The following COL23A1 variants were observed in gnomAD, a reference collection of about 807,000 sequenced individuals.
COL23A1 encodes collagen type XXIII alpha 1 chain.
Under a neutral mutation model 99.3 loss-of-function variants are expected in COL23A1, and 97 were observed. The ratio of observed to expected loss-of-function variants is 0.98; its 90% confidence interval spans 0.83 to 1.16. COL23A1 has a LOEUF of 1.16. Among genes scored for constraint, COL23A1 ranks in the 50% most tolerant of loss-of-function variants. The probability of loss-of-function intolerance (pLI) is 0.00; values close to 1 mark genes in which losing one functional copy is unlikely to be tolerated. For missense variants in COL23A1, 762 were observed against 757.4 expected, an observed-to-expected ratio of 1.01 and a Z score of -0.07; for synonymous variants, 320 against 308.2, an observed-to-expected ratio of 1.04 and a Z score of -0.40.
intron 2 of COL23A1, among the ~76,000 whole-genome samples, chr5:178,479,799 G>C (rs1310154414): frequency 1.3e-5 from 2 of 152,204 alleles, no homozygotes; most frequent in Admixed American, 1.3e-4. Flanking sequence ...TTAAAATATA[G>C]TCATGCCTCT....
At chr5:178,319,799 T>C (rs1759188766) in intron 2 of COL23A1, among the ~76,000 whole-genome samples, 1 of 152,240 alleles carries the variant, frequency 6.6e-6, no homozygotes, top group Non-Finnish European at 1.5e-5. Flanking sequence ...GGGGTTTCCC[T>C]GGGCTCTCAG....
chr5:178,245,805 CA>C (rs1193328373), intron 25 of COL23A1, 136 bp downstream of exon 25: 1 of 984,026 alleles, frequency 1.0e-6, no homozygotes, highest in Non-Finnish European at 1.6e-6. Flanking sequence ...AATGGGGACA[CA>C]GGGGGAACCA....
Position 178,347,710 on chromosome 5 carries a change from G to A in COL23A1, c.362-40791C>T, listed in dbSNP as rs1318121111. ...ATCCTGGCCAACATGGTGAAACCCT[G>A]TCTCTACTAAAAGTACAAAAATTAG... On this transcript the variant is annotated intron_variant, in intron 2 of 28. Coordinates refer to ENST00000390654, the MANE Select transcript of COL23A1 (RefSeq NM_173465.4). Among the ~76,000 whole-genome samples, 3 of 151,920 alleles carry A rather than the reference G, an allele frequency of 2.0e-5. No homozygotes were observed. In the East Asian group the frequency reaches 5.8e-4, roughly 29 times the overall value.
chr5:178,570,191 C>T (rs567186849), intron 1 of COL23A1, among the ~76,000 whole-genome samples: 3 of 151,394 alleles, frequency 2.0e-5, no homozygotes, highest in East Asian at 1.9e-4. Context: ...TGGCTCACTA[C>T]AGCCTCGACC....
chr5:178,454,759 G>A lies in COL23A1; in HGVS notation c.361+105923C>T, dbSNP rs149670625. ...AGAGTGGCTGAAGAGTGAATTCCAC[G>A]CCGGTGTGCAGGCGTGTTCATTAAT... On this transcript the variant is annotated intron_variant, in intron 2 of 28. Coordinates refer to ENST00000390654, the MANE Select transcript of COL23A1 (RefSeq NM_173465.4). Among the ~76,000 whole-genome samples, 217 of 152,356 alleles carry A rather than the reference G, an allele frequency of 1.4e-3. 6 individuals carry two copies. In the East Asian group the frequency reaches 0.025, roughly 18 times the overall value.
Position 178,484,650 on chromosome 5 carries a change from C to G in COL23A1, c.361+76032G>C, listed in dbSNP as rs146013462. 1.4e-3 allele frequency among the ~76,000 whole-genome samples: 219 copies of G among 152,008 alleles called. 1 individual carries two copies. The highest frequency in any genetic ancestry group is 4.8e-3 in the African/African-American group (198 of 41,472). On this transcript the variant is annotated intron_variant, in intron 2 of 28. Coordinates refer to ENST00000390654, the MANE Select transcript of COL23A1 (RefSeq NM_173465.4). Reference sequence around the variant, plus strand: ...CATCCTGGCTAACACGGTGAAACCCCGTCTCTAGTAAAAATACAAAAATCA... The same window carrying G: ...CATCCTGGCTAACACGGTGAAACCCGGTCTCTAGTAAAAATACAAAAATCA...
intron 1 of COL23A1, chr5:178,562,736 T>TGGTGGGGGGG (rs1554197569): frequency 2.8e-5 from 3 of 106,872 alleles, no homozygotes; most frequent in African/African-American, 1.5e-4. Flanking sequence ...TGGCTGGTGG[T>TGGTGGGGGGG]GGGGGGGGTG....
At chr5:178,447,425 C>T (rs186883703) in intron 2 of COL23A1, among the ~76,000 whole-genome samples, 55 of 152,290 alleles carry the variant, frequency 3.6e-4, no homozygotes, top group Admixed American at 2.9e-3. Flanking sequence ...GGGTCAATGA[C>T]GCATATACGG....
intron 2 of COL23A1, among the ~76,000 whole-genome samples, chr5:178,541,698 T>C (rs1214877848): frequency 6.6e-6 from 1 of 152,240 alleles, no homozygotes; most frequent in Non-Finnish European, 1.5e-5. Flanking sequence ...TACTACATTG[T>C]TCGCAGCAGC....
intron 2 of COL23A1, among the ~76,000 whole-genome samples, chr5:178,332,406 C>T (rs1406023937): frequency 1.3e-5 from 2 of 152,164 alleles, no homozygotes; most frequent in Non-Finnish European, 2.9e-5. Context: ...AGGCAGCTTC[C>T]AGATCTGGCA....
At chr5:178,268,423 A>AC (rs980001170) in intron 7 of COL23A1, among the ~76,000 whole-genome samples, 34 of 151,808 alleles carry the variant, frequency 2.2e-4, no homozygotes, top group African/African-American at 7.5e-4. Context: ...CCCTCCTGGC[A>AC]CCCCCCTTCA....
rs996390930 is a variant in COL23A1 at position 178,254,841 on chromosome 5, C to T, written c.960+108G>A. Reference sequence around the variant, plus strand: ...CAGCCGGGGTCTTTGTGCTAAGCTGCCTCTGGTCCCTTGTGTAAAAAAGTG... The same window carrying T: ...CAGCCGGGGTCTTTGTGCTAAGCTGTCTCTGGTCCCTTGTGTAAAAAAGTG... On this transcript the variant is annotated intron_variant, in intron 16 of 28. Transcript: ENST00000390654. The T allele has an allele frequency of 8.4e-6, 8 of 950,022 alleles. No individual in the cohort carries two copies. In the Admixed American group the frequency reaches 9.4e-5, roughly 11 times the overall value. The allele number at this position is 950,022 out of a possible 1,614,324, so 58.8% of individuals were successfully genotyped here.
At chr5:178,256,471 G>T in intron 14 of COL23A1, 74 bp from the exon 15 acceptor site, 2 of 1,420,442 alleles carry the variant, frequency 1.4e-6, no homozygotes, top group South Asian at 1.4e-5. Flanking sequence ...CCTGCCCCCA[G>T]TCCCCTCTTC....
At chr5:178,243,183 C>G (rs1764500168) in intron 25 of COL23A1, among the ~76,000 whole-genome samples, 1 of 110,584 alleles carries the variant, frequency 9.0e-6, no homozygotes, top group African/African-American at 3.1e-5. Flanking sequence ...GAGCGGGACT[C>G]TGTCTCAAAA....
intron 2 of COL23A1, among the ~76,000 whole-genome samples, chr5:178,404,519 T>C (rs1478864768): frequency 2.5e-5 from 2 of 80,160 alleles, no homozygotes; most frequent in African/African-American, 2.5e-4. Flanking sequence ...GGCATGAAAT[T>C]GAAATAACAT....
intron 2 of COL23A1, among the ~76,000 whole-genome samples, chr5:178,347,811 G>T (rs1761063127): frequency 6.7e-6 from 1 of 149,610 alleles, no homozygotes; most frequent in African/African-American, 2.5e-5. Context: ...AACCCGGGAG[G>T]CGGAGCTTGC....
At chr5:178,540,379 A>G (rs1167480135) in intron 2 of COL23A1, among the ~76,000 whole-genome samples, 1 of 152,250 alleles carries the variant, frequency 6.6e-6, no homozygotes, top group African/African-American at 2.4e-5. Context: ...ATTATTATTT[A>G]ATATTCACAC....
chr5:178,411,585 C>T (rs1440835672), intron 2 of COL23A1, among the ~76,000 whole-genome samples: 1 of 152,032 alleles, frequency 6.6e-6, no homozygotes, highest in Non-Finnish European at 1.5e-5. Flanking sequence ...TATATAAAGC[C>T]ATAGAGACAG....
chr5:178,559,101 C>A (rs534037176), intron 2 of COL23A1, among the ~76,000 whole-genome samples: 1 of 152,294 alleles, frequency 6.6e-6, no homozygotes, highest in South Asian at 2.1e-4. Context: ...CAGTTTCTGA[C>A]TTCTTGATCT....
Sources: allele counts gnomAD v4.1 joint callset (sites outside exome capture counted in the v4.1 genomes callset), GRCh38; gene constraint gnomAD v4.1.1; transcripts MANE v1.5; gene names NCBI Gene and HGNC (gene_info 2026-07-23, HGNC 2026-07-21).